Variants in NEDD9 observed in about 807,000 individuals in gnomAD.
NEDD9 encodes the protein enhancer of filamentation 1.
NEDD9 carries 26 observed loss-of-function variants against 76.6 expected under a neutral mutation model. That is an observed-to-expected ratio of 0.34 (90% confidence interval 0.25 to 0.47). The LOEUF (loss-of-function observed/expected upper bound fraction) is 0.47, where lower values mean the gene tolerates loss of function less well. Ranked by LOEUF, NEDD9 falls within the 20% of genes least tolerant of loss-of-function variation. NEDD9 has a pLI of 1.00. For synonymous variants in NEDD9, 392 were observed against 414.2 expected (o/e 0.95, Z 0.65); for missense variants, 937 against 1,058.5 (o/e 0.89, Z 1.59).
At chr6:11,382,149 G>C (rs1763074853) in exon 1 of NEDD9, 1 of 152,200 alleles carries the variant, frequency 6.6e-6, no homozygotes, top group African/African-American at 2.4e-5. Context: ...CCAAGTGTAG[G>C]ATGGAACCGC....
intron 2 of NEDD9, among the ~76,000 whole-genome samples, chr6:11,194,664 T>G (rs887166523): frequency 6.6e-6 from 1 of 152,194 alleles, no homozygotes; most frequent in African/African-American, 2.4e-5. Context: ...CTAATCATTT[T>G]CCCATTTCCA....
chr6:11,189,848 T>C, intron 5 of NEDD9, 116 bp downstream of exon 5: 1 of 1,299,634 alleles, frequency 7.7e-7, no homozygotes, highest in Non-Finnish European at 1.0e-6. Flanking sequence ...ACCATGTAGA[T>C]TAACATTAAT....
At chr6:11,358,605 C>T (rs1762624935) in intron 1 of NEDD9, among the ~76,000 whole-genome samples, 1 of 152,094 alleles carries the variant, frequency 6.6e-6, no homozygotes, top group South Asian at 2.1e-4. Flanking sequence ...TTGTAGGTAG[C>T]CTTGGAGGCT....
At position 11,301,933 on chromosome 6, in the gene NEDD9, C is replaced by G. The variant is rs1413278320; in HGVS notation, c.12+4059G>C. Among the ~76,000 whole-genome samples, 4 of 152,252 alleles carry G rather than the reference C, an allele frequency of 2.6e-5. No individual in the cohort carries two copies. The South Asian group carries it at 8.3e-4, about 32-fold the overall frequency. The stretch of plus-strand genomic sequence containing the variant: ...AAGCAGGAAAGATCTAAAATCGACA[C>G]TCTAACATCACAATTAAAAGAACTA... On this transcript the variant is annotated intron_variant, in intron 3 of 3. Transcript: ENST00000397378.
chr6:11,344,047 G>A (rs938293876), intron 1 of NEDD9, among the ~76,000 whole-genome samples: 17 of 152,176 alleles, frequency 1.1e-4, no homozygotes, highest in Non-Finnish European at 2.2e-4. Context: ...TCAAGAGACA[G>A]GGTGAGTAGG....
At chr6:11,223,730 C>A (rs557044905) in intron 1 of NEDD9, among the ~76,000 whole-genome samples, 1 of 152,346 alleles carries the variant, frequency 6.6e-6, no homozygotes, top group Admixed American at 6.5e-5. Context: ...ATCCCCCGCA[C>A]TGCTTAACAC....
intron 3 of NEDD9, among the ~76,000 whole-genome samples, chr6:11,289,457 A>AT (rs1220862516): frequency 3.9e-4 from 59 of 152,004 alleles, no homozygotes; most frequent in South Asian, 2.1e-4. Flanking sequence ...ATTTTATTTT[A>AT]TTTATTTATT....
chr6:11,359,099 T>A (rs1340902326), intron 1 of NEDD9, among the ~76,000 whole-genome samples: 2 of 152,184 alleles, frequency 1.3e-5, no homozygotes, highest in Admixed American at 6.5e-5. Flanking sequence ...TTCTACTCCA[T>A]CCTGTTCTGT....
At chr6:11,271,009 T>C (rs1432319764) in intron 3 of NEDD9, among the ~76,000 whole-genome samples, 4 of 152,160 alleles carry the variant, frequency 2.6e-5, no homozygotes, top group Admixed American at 6.5e-5. Context: ...TCACTCTTTT[T>C]TGGCCCATTC....
rs1242054260 is a variant in NEDD9 at position 11,237,748 on chromosome 6, G to C, written c.13-24021C>G. ...AGCCCCCAAAGCCGAAGAAGAAAAA[G>C]TATTATTTGGTTGTCTCTAGAAGTT... On this transcript the variant is annotated intron_variant, in intron 3 of 3. Transcript: ENST00000397378. The surrounding 1 kb of genome is among the most constrained non-coding windows in gnomAD (Gnocchi z 4.9). 1.3e-5 allele frequency among the ~76,000 whole-genome samples: 2 copies of C among 152,118 alleles called. No individual in the cohort carries two copies. Among genetic ancestry groups the C allele is most frequent in the Admixed American group, 6.5e-5 (1 of 15,280 alleles).
Position 11,184,930 on chromosome 6 carries a change from G to C in NEDD9, c.*232C>G. The C allele has an allele frequency of 2.2e-6, 1 of 459,002 alleles. No individual in the cohort carries two copies. Among genetic ancestry groups the C allele is most frequent in the East Asian group, 3.6e-5 (1 of 27,784 alleles). The allele number at this position is 459,002 out of a possible 1,614,324, so 28.4% of individuals were successfully genotyped here. A position where few individuals can be genotyped will look rare whatever the true frequency, so the allele number is the denominator to read the frequency against. On this transcript the variant is annotated 3_prime_UTR_variant, in exon 7 of 7. Coordinates refer to ENST00000379446, the MANE Select transcript of NEDD9 (RefSeq NM_006403.4). ...AGCACGTGGACAAGTTTTCTGTACAGTTTATGTCTCAGATACTTCTATGTA... is the reference window on the plus strand; with the variant it reads ...AGCACGTGGACAAGTTTTCTGTACACTTTATGTCTCAGATACTTCTATGTA...
intron 2 of NEDD9, among the ~76,000 whole-genome samples, chr6:11,326,045 T>C (rs1582030927): frequency 6.7e-6 from 1 of 150,204 alleles, no homozygotes; most frequent in Non-Finnish European, 1.5e-5. Context: ...ACTTGGGAGG[T>C]TGAGGCAGGA....
intron 3 of NEDD9, among the ~76,000 whole-genome samples, chr6:11,288,601 T>G (rs1361358636): frequency 1.3e-5 from 2 of 152,232 alleles, no homozygotes; most frequent in African/African-American, 4.8e-5. Context: ...TATGTTTTTC[T>G]TAGATGCTTC....
intron 1 of NEDD9, among the ~76,000 whole-genome samples, chr6:11,366,294 G>GGAAGGAAGGAAGGAAGGAAAGAAAGAAA (rs58662867): frequency 2.6e-5 from 3 of 117,296 alleles, no homozygotes; most frequent in South Asian, 2.8e-4. Context: ...AAGGAAGGAA[G>GGAAGGAAGGAAGGAAGGAAAGAAAGAAA]GAAAGAAAGA....
chr6:11,206,351 G>A (rs1758616633), intron 2 of NEDD9, among the ~76,000 whole-genome samples: 1 of 152,110 alleles, frequency 6.6e-6, no homozygotes, highest in Non-Finnish European at 1.5e-5. Context: ...CCTGGGAGGC[G>A]GAGGTTGCAG....
chr6:11,321,983 A>T (rs2113474057), intron 2 of NEDD9, among the ~76,000 whole-genome samples: 1 of 152,362 alleles, frequency 6.6e-6, no homozygotes, highest in South Asian at 2.1e-4. Flanking sequence ...ACGCCATGGA[A>T]TACTATGTAG....
chr6:11,213,418 C>T lies in NEDD9; in HGVS notation c.322G>A (p.Val108Met). 1 of 1,613,950 alleles carries T rather than the reference C, an allele frequency of 6.2e-7. No individual in the cohort carries two copies. Among genetic ancestry groups the T allele is most frequent in the Non-Finnish European group, 8.5e-7 (1 of 1,180,016 alleles). ...QAAPRDTIYQ[V>M]PPSYQNQGIY... Reference sequence around the variant, plus strand: ...CCCTGATTTTGGTAGGAAGGTGGCACTTGGTAGATGGTGTCTCGGGGAGCA... The same window carrying T: ...CCCTGATTTTGGTAGGAAGGTGGCATTTGGTAGATGGTGTCTCGGGGAGCA... Residue 108 changes from valine (V) to methionine (M), a missense_variant, in exon 2 of 7, where the codon GTG (valine) becomes ATG (methionine). By Grantham distance (21) the Val-to-Met change is conservative. Transcript: ENST00000379446. This position sits in a 1 kb window ranked among gnomAD's most constrained non-coding sequence, Gnocchi z 5.4.
Position 11,326,619 on chromosome 6 carries a change from C to T in NEDD9, c.-153+7882G>A, listed in dbSNP as rs72832920. On this transcript the variant is annotated intron_variant, in intron 2 of 3. Transcript: ENST00000397378. The stretch of plus-strand genomic sequence containing the variant: ...GTTTTACATTGTATTTTTTTCTATC[C>T]AGTGTGGATTCATATTTTTTAAATC... 4.3e-3 allele frequency among the ~76,000 whole-genome samples: 647 copies of T among 152,234 alleles called. 2 individuals carry two copies. The highest frequency in any genetic ancestry group is 6.5e-3 in the Non-Finnish European group (443 of 68,012).
rs1352515149 is a variant in NEDD9, at chr6:11,184,106, G to T, written c.*1056C>A. On this transcript the variant is annotated 3_prime_UTR_variant, in exon 7 of 7. Transcript: ENST00000379446. ...TGCATATGTGAGTTTTAAAGAAGGTGCAAGATAGCAATAAATTCCCTTAGA... is the reference window on the plus strand; with the variant it reads ...TGCATATGTGAGTTTTAAAGAAGGTTCAAGATAGCAATAAATTCCCTTAGA... 6.6e-6 allele frequency: 1 copy of T among 152,208 alleles called. No homozygotes were observed. The highest frequency in any genetic ancestry group is 6.5e-5 in the Admixed American group (1 of 15,288). 9.4% of individuals were successfully genotyped at this position (152,208 alleles called of 1,614,324 possible).
Sources: gnomAD v4.1 joint callset for allele counts (sites outside exome capture counted in the v4.1 genomes callset) on GRCh38, gnomAD v4.1.1 for gene constraint, Gnocchi (gnomAD v3.1) non-coding constraint, MANE v1.5 for transcripts, NCBI Gene and HGNC (gene_info 2026-07-23, HGNC 2026-07-21) for gene names.